DLEU7: variants seen among roughly 807,000 people sequenced by gnomAD.
DLEU7 encodes leukemia-associated protein 7.
A neutral mutation model predicts 16.0 loss-of-function variants in DLEU7; 17 were observed. The observed-to-expected ratio is 1.06, with a 90% CI of 0.73 to 1.59. DLEU7 has a LOEUF of 1.59. Ranked by LOEUF, DLEU7 falls within the 40% of genes most tolerant of loss-of-function variation. The pLI is 0.00. For synonymous variants in DLEU7, 113 were observed against 139.8 expected (o/e 0.81, Z 1.35); for missense variants, 308 against 314.9 (o/e 0.98, Z 0.17).
At chr13:50,827,832 A>C (rs1877140940) in intron 1 of DLEU7, among the ~76,000 whole-genome samples, 1 of 152,240 alleles carries the variant, frequency 6.6e-6, no homozygotes, top group African/African-American at 2.4e-5. Context: ...CAACAAGTGC[A>C]AAGCAATAAA....
At chr13:50,763,860 C>T (rs991535067) in intron 1 of DLEU7, among the ~76,000 whole-genome samples, 9 of 152,186 alleles carry the variant, frequency 5.9e-5, no homozygotes, top group Non-Finnish European at 1.2e-4. Context: ...GCAAACAACA[C>T]TAGTATTTCC....
At chr13:50,763,928 T>C (rs1239832178) in intron 1 of DLEU7, among the ~76,000 whole-genome samples, 2 of 152,224 alleles carry the variant, frequency 1.3e-5, no homozygotes, top group Non-Finnish European at 2.9e-5. Flanking sequence ...GATAAATGTC[T>C]GTAAAGCACC....
chr13:50,723,415 TACACACACAC>T (rs35069706), intron 1 of DLEU7, among the ~76,000 whole-genome samples: 4 of 148,266 alleles, frequency 2.7e-5, no homozygotes, highest in South Asian at 2.2e-4. Context: ...ACAATAATTG[TACACACACAC>T]ACACACACAC....
At chr13:50,722,146 A>G (rs1241292795) in intron 1 of DLEU7, among the ~76,000 whole-genome samples, 1 of 152,190 alleles carries the variant, frequency 6.6e-6, no homozygotes, top group Non-Finnish European at 1.5e-5. Flanking sequence ...TGTCCTCCCA[A>G]CATGGCTGGA....
At chr13:50,796,703 A>C (rs1876117748) in intron 1 of DLEU7, among the ~76,000 whole-genome samples, 1 of 152,082 alleles carries the variant, frequency 6.6e-6, no homozygotes, top group Non-Finnish European at 1.5e-5. Flanking sequence ...AAAGGAAGTG[A>C]GGTGTGCTAC....
intron 1 of DLEU7, among the ~76,000 whole-genome samples, chr13:50,759,326 G>A (rs1874856729): frequency 6.6e-6 from 1 of 152,142 alleles, no homozygotes; most frequent in Non-Finnish European, 1.5e-5. Flanking sequence ...ATGGGTCTTG[G>A]TTCCTTCATC....
intron 1 of DLEU7, among the ~76,000 whole-genome samples, chr13:50,767,379 C>T (rs1438180574): frequency 4.0e-5 from 6 of 150,990 alleles, no homozygotes; most frequent in African/African-American, 1.5e-4. Context: ...TGGCGTGAAC[C>T]CGGGAGGCGG....
chr13:50,779,160 G>A (rs57447867), intron 1 of DLEU7, among the ~76,000 whole-genome samples: 3,696 of 152,204 alleles, frequency 0.024, 128 homozygotes, highest in South Asian at 0.09. Context: ...GACAGATATC[G>A]CCAAGCACAG....
chr13:50,819,941 C>T (rs933279386), downstream of DLEU7, among the ~76,000 whole-genome samples: 1 of 152,068 alleles, frequency 6.6e-6, no homozygotes, highest in Non-Finnish European at 1.5e-5. Context: ...AGCCCCAAAG[C>T]ACTACACAAT....
intron 1 of DLEU7, among the ~76,000 whole-genome samples, chr13:50,767,787 G>C (rs1475687013): frequency 2.0e-5 from 3 of 152,180 alleles, no homozygotes; most frequent in Non-Finnish European, 2.9e-5. Flanking sequence ...GAAAGCTCCA[G>C]GAGACACCCC....
chr13:50,714,441 TTAAG>T (rs1873380212), intron 1 of DLEU7, among the ~76,000 whole-genome samples: 2 of 152,180 alleles, frequency 1.3e-5, no homozygotes, highest in African/African-American at 4.8e-5. Flanking sequence ...GTGAATACCT[TTAAG>T]TAACAGGATA....
intron 1 of DLEU7, among the ~76,000 whole-genome samples, chr13:50,776,593 T>G (rs1875502715): frequency 6.6e-6 from 1 of 152,178 alleles, no homozygotes; most frequent in African/African-American, 2.4e-5. Flanking sequence ...TATTCCTAAA[T>G]AGTCATTATA....
intron 1 of DLEU7, among the ~76,000 whole-genome samples, chr13:50,771,129 T>G (rs1875293779): frequency 6.6e-6 from 1 of 152,236 alleles, no homozygotes; most frequent in Non-Finnish European, 1.5e-5. Flanking sequence ...CTTTATCATT[T>G]TTTATTGTGT....
At chr13:50,834,090 G>A (rs753550261) in intron 1 of DLEU7, among the ~76,000 whole-genome samples, 7 of 151,940 alleles carry the variant, frequency 4.6e-5, no homozygotes, top group Non-Finnish European at 8.8e-5. Flanking sequence ...AAAAACCCTA[G>A]AAGAAAACCT....
intron 1 of DLEU7, among the ~76,000 whole-genome samples, chr13:50,747,155 AT>A (rs1566236866): frequency 6.6e-6 from 1 of 152,148 alleles, no homozygotes; most frequent in Non-Finnish European, 1.5e-5. Flanking sequence ...ATCATAGACG[AT>A]TAAATCAATG....
At position 50,747,729 on chromosome 13, in the gene DLEU7, T is replaced by C. The variant is rs115340220; in HGVS notation, c.460-34489A>G. On this transcript the variant is annotated intron_variant, in intron 1 of 1. Coordinates refer to the DLEU7 transcript ENST00000400393. ...CCCCAGCCTATCCCAACGAGAAAGA[T>C]GGGAGTTATAAACTTTGACTTATGC... Among the ~76,000 whole-genome samples the C allele has an allele frequency of 3.8e-3, 571 of 152,208 alleles. 5 individuals carry two copies. Among genetic ancestry groups the C allele is most frequent in the African/African-American group, 0.013 (540 of 41,536 alleles).
chr13:50,766,055 CG>C (rs1378967765), intron 1 of DLEU7, among the ~76,000 whole-genome samples: 6 of 152,220 alleles, frequency 3.9e-5, no homozygotes, highest in Middle Eastern at 3.4e-3. Context: ...GAAAAGGATG[CG>C]TGTAGCTTTG....
Position 50,760,096 on chromosome 13 carries a change from T to C in DLEU7, c.460-46856A>G, listed in dbSNP as rs558702028. On this transcript the variant is annotated intron_variant, in intron 1 of 1. Transcript: ENST00000400393. ...GATCATTCAGGGGTTTGGTCTGGTT[T>C]TTAGACAGCAATGTTAGATTTATTC... Among the ~76,000 whole-genome samples the C allele has an allele frequency of 2.0e-5, 3 of 152,358 alleles. No homozygotes were observed. In the South Asian group the frequency reaches 6.2e-4, roughly 32 times the overall value.
At chr13:50,713,639 A>G (rs1018217986) in intron 1 of DLEU7, among the ~76,000 whole-genome samples, 8 of 152,196 alleles carry the variant, frequency 5.3e-5, no homozygotes, top group African/African-American at 1.9e-4. Context: ...GGTTCTATCC[A>G]TGATCTTACA....
Sources: gnomAD v4.1 joint callset for allele counts (sites outside exome capture counted in the v4.1 genomes callset) on GRCh38, gnomAD v4.1.1 for gene constraint, MANE v1.5 for transcripts, NCBI Gene and HGNC (gene_info 2026-07-23, HGNC 2026-07-21) for gene names.